Variants in MGAM observed in about 807,000 individuals in gnomAD.
MGAM encodes the protein alpha-1,4-glucosidase.
Under a neutral mutation model 358.8 loss-of-function variants are expected in MGAM, and 253 were observed. That is an observed-to-expected ratio of 0.71 (90% CI 0.64 to 0.78). The LOEUF is 0.78. Ranked by LOEUF, MGAM falls within the 30% of genes least tolerant of loss-of-function variation. MGAM has a pLI of 0.00. For missense variants in MGAM, 3,080 were observed against 3,432.6 expected, an observed-to-expected ratio of 0.90 and a Z score of 2.57; for synonymous variants, 1,105 against 1,227.1, an observed-to-expected ratio of 0.90 and a Z score of 2.08.
At chr7:142,067,965 A>AATAT (rs1194685249) in intron 42 of MGAM, among the ~76,000 whole-genome samples, 2 of 30,112 alleles carry the variant, frequency 6.6e-5, no homozygotes, top group African/African-American at 2.2e-4. Flanking sequence ...TATATATATA[A>AATAT]ATATATATAT....
chr7:142,001,042 C>T (rs76035658), intron 1 of MGAM, among the ~76,000 whole-genome samples: 258 of 152,282 alleles, frequency 1.7e-3, no homozygotes, highest in African/African-American at 5.9e-3. Context: ...CATAAGATTA[C>T]TCTTTGCTTT....
rs750745013 is a variant in MGAM at position 142,040,733 on chromosome 7, G to A, written c.2385G>A (p.Val795=). The change falls in exon 21 of 71, where the codon GTG becomes GTA. Residue 795 remains valine (V), a synonymous_variant. Coordinates refer to ENST00000475668, the MANE Select transcript of MGAM (RefSeq NM_001365693.1). ...VWYDYETGSQ[V]RWRKQKVEME... ...TCTGCATGCATCAGGGGAGCCAAGTGAGATGGAGGAAGCAAAAAGTCGAGA... is the reference window on the plus strand; with the variant it reads ...TCTGCATGCATCAGGGGAGCCAAGTAAGATGGAGGAAGCAAAAAGTCGAGA... 24 of 1,613,020 alleles carry A rather than the reference G, an allele frequency of 1.5e-5. No homozygotes were observed. Among genetic ancestry groups the A allele is most frequent in the Non-Finnish European group, 1.7e-5 (20 of 1,179,500 alleles).
chr7:142,056,866 G>C lies in MGAM; in HGVS notation c.3617G>C (p.Arg1206Pro). 2 of 1,613,778 alleles carry C rather than the reference G, an allele frequency of 1.2e-6. No homozygotes were observed. Among genetic ancestry groups the C allele is most frequent in the Non-Finnish European group, 1.7e-6 (2 of 1,179,812 alleles). Residue 1206 changes from arginine (R) to proline (P), a missense_variant, in exon 30 of 71, where the codon CGC (arginine) becomes CCC (proline). Transcript: ENST00000475668. ...TFQPLPALTY[R>P]TTGGVLDFYV... ...CAGCCCCTGCCTGCCTTGACATACC[G>C]CACCACAGGGGGAGTTCTGGACTTT...
At chr7:142,032,468 CAT>C (rs1250907388) in intron 13 of MGAM, among the ~76,000 whole-genome samples, 1 of 152,094 alleles carries the variant, frequency 6.6e-6, no homozygotes, top group Non-Finnish European at 1.5e-5. Context: ...TTTCTCTCCA[CAT>C]ATATGTTTAT....
Position 142,093,432 on chromosome 7 carries a change from G to A in MGAM, c.7054G>A (p.Gly2352Ser). The A allele has an allele frequency of 6.5e-7, 1 of 1,538,256 alleles. No individual in the cohort carries two copies. The highest frequency in any genetic ancestry group is 8.9e-7 in the Non-Finnish European group (1 of 1,123,516). Residue 2352 changes from glycine (G) to serine (S), a missense_variant, in exon 60 of 71, where the codon GGC (glycine) becomes AGC (serine). Gly to Ser is a moderately conservative substitution (Grantham distance 56). Transcript: ENST00000475668. Reference sequence around the variant, plus strand: ...CTCAGATTTGGAGTCCAGGGACAGGGGCCTGAGCAGCAAGACCCTGTGCAT... The same window carrying A: ...CTCAGATTTGGAGTCCAGGGACAGGAGCCTGAGCAGCAAGACCCTGTGCAT... ...YMPYLESRDR[G>S]LSSKTLCMES...
chr7:142,076,677 A>G lies in MGAM; in HGVS notation c.5344A>G (p.Ile1782Val). ...SVTQNHLEVT[I>V]SQSTYKDPNN... ...TTTGCAGAACCACTTGGAGGTGACT[A>G]TTTCACAATCAACCTACAAGGACCC... is the stretch of plus-strand genomic sequence containing the variant. The change falls in exon 47 of 71, where the codon ATT (isoleucine) becomes GTT (valine). Residue 1782 changes from isoleucine to valine, a missense_variant. Around this residue, in one of 5 missense-constraint regions of MGAM, gnomAD observed 932 missense variants for 1,198.2 expected, o/e 0.78. Coordinates refer to ENST00000475668, the MANE Select transcript of MGAM (RefSeq NM_001365693.1). 6.5e-7 allele frequency: 1 copy of G among 1,548,000 alleles called. No individual in the cohort carries two copies. Among genetic ancestry groups the G allele is most frequent in the Non-Finnish European group, 8.9e-7 (1 of 1,126,244 alleles).
chr7:141,989,040 A>G (rs1803824331), intron 2 of MGAM, among the ~76,000 whole-genome samples: 1 of 152,006 alleles, frequency 6.6e-6, no homozygotes, highest in African/African-American at 2.4e-5. Context: ...GAAGACTGTG[A>G]GAAATCATTT....
chr7:142,023,987 A>G (rs1554460003), intron 7 of MGAM, among the ~76,000 whole-genome samples: 1 of 152,132 alleles, frequency 6.6e-6, no homozygotes, highest in Non-Finnish European at 1.5e-5. Context: ...TAATCCCAAC[A>G]GTTTGGGAGG....
At chr7:142,087,061 T>C (rs1361468771) in intron 57 of MGAM, among the ~76,000 whole-genome samples, 1 of 104,988 alleles carries the variant, frequency 9.5e-6, no homozygotes, top group Admixed American at 8.4e-5. Flanking sequence ...AGCAGTGCCA[T>C]CTTTTCTCTG....
chr7:142,008,400 A>G (rs1188581976), intron 2 of MGAM, 106 bp from the exon 3 acceptor site: 1 of 1,230,242 alleles, frequency 8.1e-7, no homozygotes, highest in African/African-American at 1.5e-5. Context: ...AGGTCATCAG[A>G]GTGAAGCCTA....
At chr7:142,086,370 G>A in intron 56 of MGAM, 42 bp downstream of exon 56, 1 of 1,433,494 alleles carries the variant, frequency 7.0e-7, no homozygotes, top group Non-Finnish European at 9.5e-7. Context: ...TAGCCTGAGG[G>A]TGGGTCACTG....
At chr7:142,025,198 C>A in intron 8 of MGAM, 49 bp downstream of exon 8, 1 of 1,360,376 alleles carries the variant, frequency 7.4e-7, no homozygotes, top group South Asian at 1.2e-5. Flanking sequence ...ATTTTCAGTC[C>A]CTTTCTTACA....
At chr7:141,990,938 G>A (rs1267746347), upstream of MGAM, among the ~76,000 whole-genome samples, 9 of 152,172 alleles carry the variant, frequency 5.9e-5, no homozygotes, top group African/African-American at 2.2e-4. Flanking sequence ...GCATTTGCTG[G>A]TGCTGTCTTC....
At chr7:142,060,871 G>T (rs1357904935) in intron 34 of MGAM, among the ~76,000 whole-genome samples, 1 of 151,762 alleles carries the variant, frequency 6.6e-6, no homozygotes, top group Non-Finnish European at 1.5e-5. Flanking sequence ...TACGAGTCCT[G>T]CCCCGAGCCC....
intron 19 of MGAM, 41 bp downstream of exon 19, chr7:142,038,656 T>G: frequency 7.0e-7 from 1 of 1,427,454 alleles, no homozygotes; most frequent in Non-Finnish European, 9.6e-7. Context: ...TCTCTGCATC[T>G]GTATCTGCTG....
rs1170756236 is a variant in MGAM at position 142,076,927 on chromosome 7, C to T, written c.5493+101C>T. 4 of 1,284,180 alleles carry T rather than the reference C, an allele frequency of 3.1e-6. No homozygotes were observed. The Admixed American group carries it at 8.5e-5, about 27-fold the overall frequency. The allele number at this position is 1,284,180 out of a possible 1,614,324, so 79.5% of individuals were successfully genotyped here. ...CATGGGTCCCTGAAGTACCAGGGCA[C>T]CTTTGATGCATGTTTTGGGGAATTG... On this transcript the variant is annotated intron_variant, in intron 47 of 70. Transcript: ENST00000475668.
intron 8 of MGAM, 28 bp from the exon 9 acceptor site, chr7:142,027,087 T>G (rs782423353): frequency 6.5e-6 from 10 of 1,529,618 alleles, no homozygotes; most frequent in Non-Finnish European, 9.1e-6. Flanking sequence ...ATTCTGATTT[T>G]TATTTTCTTC....
In MGAM at chr7:142,060,323, T is replaced by A. The variant is rs1270904362; in HGVS notation, c.4072T>A (p.Phe1358Ile). The change falls in exon 34 of 71, where the codon TTT becomes ATT. Residue 1358 changes from phenylalanine to isoleucine, a missense_variant. Physicochemically the swap from Phe to Ile is conservative, Grantham distance 21 (BLOSUM62 0). Around this residue, in one of 5 missense-constraint regions of MGAM, gnomAD observed 1,816 missense variants for 1,840.5 expected, o/e 0.99. Transcript: ENST00000475668. ...TTTCTCTCCATAGGTCTGGCCTGAT[T>A]TTCCTGATGTTGTTGTGAATGGGTC... Reference protein sequence around the residue: ...DIVWGKVWPDFPDVVVNGSLD... With the variant: ...DIVWGKVWPDIPDVVVNGSLD... The A allele has an allele frequency of 6.2e-7, 1 of 1,613,920 alleles. No individual in the cohort carries two copies. The highest frequency in any genetic ancestry group is 8.5e-7 in the Non-Finnish European group (1 of 1,179,870).
intron 23 of MGAM, 136 bp from the exon 24 acceptor site, chr7:142,050,561 C>A: frequency 2.1e-6 from 2 of 974,604 alleles, no homozygotes; most frequent in Non-Finnish European, 1.6e-6. Context: ...ACTTCTTCAG[C>A]ACACACTAGT....
Sources: allele counts gnomAD v4.1 joint callset (sites outside exome capture counted in the v4.1 genomes callset), GRCh38; gene constraint gnomAD v4.1.1; regional missense constraint gnomAD v4.1.1; transcripts MANE v1.5; gene names NCBI Gene and HGNC (gene_info 2026-07-23, HGNC 2026-07-21).